TSPEAR: variants seen among roughly 807,000 people sequenced by gnomAD.
TSPEAR encodes thrombospondin-type laminin G domain and EAR repeat-containing protein.
A neutral mutation model predicts 71.6 loss-of-function variants in TSPEAR; 69 were observed. The ratio of observed to expected loss-of-function variants is 0.96; its 90% CI spans 0.79 to 1.18. The LOEUF (loss-of-function observed/expected upper bound fraction) is 1.18. TSPEAR is among the 50% of genes most tolerant of loss of function. TSPEAR has a pLI of 0.00. For synonymous variants in TSPEAR, 402 were observed against 387.2 expected (o/e 1.04, Z -0.45); for missense variants, 971 against 894.9 (o/e 1.09, Z -1.09).
At chr21:44,621,355 T>C (rs1484624579) in intron 1 of TSPEAR, among the ~76,000 whole-genome samples, 11 of 152,254 alleles carry the variant, frequency 7.2e-5, no homozygotes, top group Admixed American at 2.6e-4. Context: ...ACATTGGTGA[T>C]CTGATGATAA....
At chr21:44,516,998 C>T (rs183172544) in intron 9 of TSPEAR, among the ~76,000 whole-genome samples, 103 of 152,304 alleles carry the variant, frequency 6.8e-4, no homozygotes, top group Non-Finnish European at 1.1e-3. Context: ...CCCACCTCAG[C>T]GGCTGCTGCA....
At chr21:44,514,722 T>G (rs1310293840) in intron 9 of TSPEAR, among the ~76,000 whole-genome samples, 1 of 152,184 alleles carries the variant, frequency 6.6e-6, no homozygotes, top group East Asian at 1.9e-4. Flanking sequence ...TGGTCCAAGC[T>G]GGGGAGGCCC....
intron 11 of TSPEAR, among the ~76,000 whole-genome samples, chr21:44,500,176 C>T (rs1451175265): frequency 1.3e-5 from 2 of 152,228 alleles, no homozygotes; most frequent in South Asian, 2.1e-4. Flanking sequence ...AAGATCCCAG[C>T]GCTACCTCCT....
At chr21:44,665,686 G>C (rs1006209389) in intron 1 of TSPEAR, among the ~76,000 whole-genome samples, 2 of 152,150 alleles carry the variant, frequency 1.3e-5, no homozygotes, top group South Asian at 4.2e-4. Context: ...TTCTATGTCA[G>C]GCAGTGGGTT....
At chr21:44,503,107 C>T (rs1315068494) in intron 11 of TSPEAR, among the ~76,000 whole-genome samples, 20 of 126,596 alleles carry the variant, frequency 1.6e-4, no homozygotes, top group African/African-American at 4.6e-4. Flanking sequence ...GGGAGGAGGC[C>T]GGCCTCGGTG....
At chr21:44,503,841 C>T (rs1261916051) in intron 11 of TSPEAR, among the ~76,000 whole-genome samples, 2 of 127,654 alleles carry the variant, frequency 1.6e-5, no homozygotes, top group Admixed American at 1.6e-4. Context: ...AGGAGGCCGG[C>T]CTTGGTGAGC....
rs587769566 is a variant in TSPEAR, at chr21:44,574,355, C to T, written c.83-6350G>A. 1.9e-6 allele frequency: 3 copies of T among 1,610,110 alleles called. No homozygotes were observed. In the East Asian group the frequency reaches 6.7e-5, roughly 36 times the overall value. ...GTGAGCCCAGCCCCTGCCAATCAGG[C>T]TGCATCAGCTCCTGCACGCCCTCGT... On this transcript the variant is annotated intron_variant, in intron 1 of 11. Transcript: ENST00000323084.
chr21:44,697,837 C>T (rs1987450716), intron 1 of TSPEAR: 5 of 1,613,592 alleles, frequency 3.1e-6, no homozygotes, highest in Non-Finnish European at 4.2e-6. Context: ...TGCCCGTCCC[C>T]TCCTGCTGTG....
intron 1 of TSPEAR, chr21:44,627,500 G>C (rs1555934684): frequency 6.5e-7 from 1 of 1,536,904 alleles, no homozygotes; most frequent in Non-Finnish European, 8.8e-7. Flanking sequence ...CCTGTGTGCT[G>C]CGTGCCCGTC....
rs201784842 is a variant in TSPEAR, at chr21:44,524,440, CAGTT to C, written c.1336+1209_1336+1212del. On this transcript the variant is annotated intron_variant, in intron 8 of 11. Coordinates refer to ENST00000323084, the MANE Select transcript of TSPEAR (RefSeq NM_144991.3). Reference sequence around the variant, plus strand: ...TCAGTCAGGCAGTCAATCAATGAGTCAGTTAGTTAGTCAGCCAGTCAGGTAGTTA... The same window carrying C: ...TCAGTCAGGCAGTCAATCAATGAGTCAGTTAGTCAGCCAGTCAGGTAGTTA... Among the ~76,000 whole-genome samples, 648 of 151,066 alleles carry C rather than the reference CAGTT, an allele frequency of 4.3e-3. 2 individuals are homozygous for C. Among genetic ancestry groups the C allele is most frequent in the South Asian group, 0.016 (75 of 4,758 alleles).
intron 1 of TSPEAR, chr21:44,600,934 T>G (rs782712111): frequency 6.2e-7 from 1 of 1,611,938 alleles, no homozygotes; most frequent in Non-Finnish European, 8.5e-7. Context: ...CTCCTCCCCC[T>G]GCCAGCAGGC....
At chr21:44,514,364 G>A (rs1211943255) in intron 9 of TSPEAR, among the ~76,000 whole-genome samples, 1 of 152,160 alleles carries the variant, frequency 6.6e-6, no homozygotes, top group Non-Finnish European at 1.5e-5. Flanking sequence ...ATGGAAGCGA[G>A]TACACACACG....
At chr21:44,651,599 C>T (rs1359701813) in intron 1 of TSPEAR, among the ~76,000 whole-genome samples, 1 of 152,182 alleles carries the variant, frequency 6.6e-6, no homozygotes, top group East Asian at 1.9e-4. Flanking sequence ...TGACCTTCTC[C>T]TCTGGCCAAA....
rs1409554029 is a variant in TSPEAR, at chr21:44,499,991, C to T, written c.1857-55G>A. 6.6e-6 allele frequency: 10 copies of T among 1,518,764 alleles called. No individual in the cohort carries two copies. The Admixed American group carries it at 1.6e-4, about 24-fold the overall frequency. 94.1% of individuals were successfully genotyped at this position (1,518,764 alleles called of 1,614,324 possible). On this transcript the variant is annotated intron_variant, in intron 11 of 11. Coordinates refer to ENST00000323084, the MANE Select transcript of TSPEAR (RefSeq NM_144991.3). The stretch of plus-strand genomic sequence containing the variant: ...GCCTGGGCTCTGCGGGGCAGCTCCT[C>T]TCCCCCGGCTCCCACCCGCGCTGTC...
intron 2 of TSPEAR, among the ~76,000 whole-genome samples, chr21:44,562,425 C>T (rs1034935644): frequency 6.6e-6 from 1 of 152,158 alleles, no homozygotes; most frequent in African/African-American, 2.4e-5. Flanking sequence ...TTTATAGATT[C>T]AATGCTATTC....
chr21:44,674,055 T>G (rs1228271088), intron 1 of TSPEAR, among the ~76,000 whole-genome samples: 1 of 149,782 alleles, frequency 6.7e-6, no homozygotes, highest in Non-Finnish European at 1.5e-5. Flanking sequence ...GAGGTTGAGG[T>G]GAGATGATCA....
At position 44,647,102 on chromosome 21, in the gene TSPEAR, G is replaced by A. The variant is rs782180393; in HGVS notation, c.82+64331C>T. 1.3e-5 allele frequency: 21 copies of A among 1,613,614 alleles called. 1 individual carries two copies. In the South Asian group the frequency reaches 1.3e-4, roughly 10 times the overall value. ...GTCTGCTCTAGGGCTTCCTCTTCAC[G>A]CTGCCAGCAGCCTAGCTGCCAGCCA... On this transcript the variant is annotated intron_variant, in intron 1 of 11. Coordinates refer to ENST00000323084, the MANE Select transcript of TSPEAR (RefSeq NM_144991.3).
intron 1 of TSPEAR, among the ~76,000 whole-genome samples, chr21:44,599,940 G>C (rs782812307): frequency 7.2e-5 from 11 of 152,188 alleles, no homozygotes; most frequent in Non-Finnish European, 1.5e-4. Context: ...ATGGAAATGG[G>C]GGCCCCAAAC....
At chr21:44,702,135 C>T in intron 1 of TSPEAR, 1 of 1,215,894 alleles carries the variant, frequency 8.2e-7, no homozygotes, top group Non-Finnish European at 1.1e-6. Flanking sequence ...TCCACATGAG[C>T]ACAGGGGTGG....
Sources: allele counts gnomAD v4.1 joint callset (sites outside exome capture counted in the v4.1 genomes callset), GRCh38; gene constraint gnomAD v4.1.1; transcripts MANE v1.5; gene names NCBI Gene and HGNC (gene_info 2026-07-23, HGNC 2026-07-21).